Variants in ELOVL5 observed in about 807,000 individuals in gnomAD.
ELOVL5 encodes the protein very long chain fatty acid elongase 5.
ELOVL5 carries 8 observed loss-of-function variants against 38.6 expected under a neutral mutation model. The observed-to-expected ratio is 0.21, with a 90% confidence interval of 0.12 to 0.37. The LOEUF (loss-of-function observed/expected upper bound fraction) is 0.37. ELOVL5 is among the 10% of genes least tolerant of loss of function. The pLI, the probability that ELOVL5 is intolerant of heterozygous loss-of-function variation, is 1.00. For synonymous variants in ELOVL5, 127 were observed against 133.7 expected, an observed-to-expected ratio of 0.95 and a Z score of 0.34; for missense variants, 280 against 367.8, an observed-to-expected ratio of 0.76 and a Z score of 1.95.
chr6:53,269,377 C>A, intron 7 of ELOVL5, 107 bp from the exon 8 acceptor site: 1 of 815,788 alleles, frequency 1.2e-6, no homozygotes, highest in Admixed American at 3.6e-5. Context: ...AAGATCAAAT[C>A]TTATCAAGGA....
intron 3 of ELOVL5, among the ~76,000 whole-genome samples, chr6:53,278,731 T>C (rs1766238508): frequency 6.6e-6 from 1 of 152,130 alleles, no homozygotes; most frequent in South Asian, 2.1e-4. Context: ...CCTGTTGAGG[T>C]TCCCTGTAGG....
At chr6:53,297,682 G>A (rs1767065822) in intron 1 of ELOVL5, among the ~76,000 whole-genome samples, 1 of 152,074 alleles carries the variant, frequency 6.6e-6, no homozygotes, top group Admixed American at 6.5e-5. Flanking sequence ...TTATAGGTAT[G>A]TATGCATAGG....
chr6:53,329,305 TTTA>T (rs1193011173), intron 1 of ELOVL5, among the ~76,000 whole-genome samples: 1 of 152,206 alleles, frequency 6.6e-6, no homozygotes, highest in Non-Finnish European at 1.5e-5. Context: ...AAATATATAC[TTTA>T]TTATCATACA....
intron 3 of ELOVL5, among the ~76,000 whole-genome samples, chr6:53,280,989 C>G (rs576359949): frequency 1.3e-5 from 2 of 152,270 alleles, no homozygotes; most frequent in South Asian, 4.1e-4. Context: ...ATAACCATTT[C>G]CATGGCACTT....
chr6:53,279,539 CA>C (rs1465793105), intron 3 of ELOVL5, among the ~76,000 whole-genome samples: 1 of 152,210 alleles, frequency 6.6e-6, no homozygotes, highest in East Asian at 1.9e-4. Flanking sequence ...TATTCCAGCA[CA>C]GGGATTAGCG....
intron 3 of ELOVL5, 35 bp from the exon 4 acceptor site, chr6:53,276,291 T>C (rs746490854): frequency 1.3e-5 from 18 of 1,381,446 alleles, no homozygotes; most frequent in Non-Finnish European, 1.7e-5. Context: ...ACCAACAGCA[T>C]CTGAGCCATG....
intron 1 of ELOVL5, among the ~76,000 whole-genome samples, chr6:53,309,946 G>A (rs1471350138): frequency 1.3e-5 from 2 of 152,192 alleles, no homozygotes; most frequent in Non-Finnish European, 2.9e-5. Context: ...CTCAGAAAAC[G>A]TGTGTGACAG....
At chr6:53,314,702 T>C (rs1272526089) in intron 1 of ELOVL5, among the ~76,000 whole-genome samples, 1 of 151,940 alleles carries the variant, frequency 6.6e-6, no homozygotes, top group Non-Finnish European at 1.5e-5. Context: ...ATGTCATAAT[T>C]TGAGTGAAAA....
intron 1 of ELOVL5, among the ~76,000 whole-genome samples, chr6:53,335,340 C>T (rs564241061): frequency 2.6e-5 from 4 of 152,338 alleles, no homozygotes; most frequent in African/African-American, 9.6e-5. Flanking sequence ...ACCCTGTCTC[C>T]CTCTGGCTTC....
At chr6:53,284,337 C>T (rs894375170) in intron 3 of ELOVL5, among the ~76,000 whole-genome samples, 2 of 151,428 alleles carry the variant, frequency 1.3e-5, no homozygotes, top group Non-Finnish European at 2.9e-5. Flanking sequence ...AGAAATAACT[C>T]CTGACAACAG....
chr6:53,335,086 TG>T (rs1768991896), intron 1 of ELOVL5, among the ~76,000 whole-genome samples: 1 of 152,238 alleles, frequency 6.6e-6, no homozygotes. Context: ...CCAAGCTCTA[TG>T]GGATTTACAG....
At chr6:53,273,847 T>C (rs1215537573) in intron 5 of ELOVL5, among the ~76,000 whole-genome samples, 2 of 152,216 alleles carry the variant, frequency 1.3e-5, no homozygotes, top group Non-Finnish European at 2.9e-5. Flanking sequence ...TTATTAATAA[T>C]AGAGTCAAGA....
chr6:53,284,260 C>T (rs1387320904), intron 3 of ELOVL5, among the ~76,000 whole-genome samples: 1 of 151,896 alleles, frequency 6.6e-6, no homozygotes, highest in Non-Finnish European at 1.5e-5. Context: ...GAGCTATGAC[C>T]ATGTCACTGC....
chr6:53,311,624 T>C (rs1031815907), intron 1 of ELOVL5, among the ~76,000 whole-genome samples: 3 of 152,208 alleles, frequency 2.0e-5, no homozygotes, highest in Admixed American at 6.5e-5. Context: ...ATGTTGTACA[T>C]TCATACAATG....
intron 1 of ELOVL5, among the ~76,000 whole-genome samples, chr6:53,296,525 G>A (rs1456878202): frequency 6.6e-6 from 1 of 151,984 alleles, no homozygotes; most frequent in Non-Finnish European, 1.5e-5. Flanking sequence ...TAAGTATAAT[G>A]TACTTAGCTG....
At position 53,340,519 on chromosome 6, in the gene ELOVL5, G is replaced by A. The variant is rs186960838; in HGVS notation, c.-9+8298C>T. 1.7e-3 allele frequency among the ~76,000 whole-genome samples: 257 copies of A among 152,276 alleles called. 2 individuals carry two copies. The highest frequency in any genetic ancestry group is 5.9e-3 in the African/African-American group (247 of 41,560). ...CTTACCCAGAGCAACTTCCAGTCCTGCAAGCTCCATTCATGGCAAGTGCCC... is the reference window on the plus strand; with the variant it reads ...CTTACCCAGAGCAACTTCCAGTCCTACAAGCTCCATTCATGGCAAGTGCCC... On this transcript the variant is annotated intron_variant, in intron 1 of 7. Coordinates refer to ENST00000304434, the MANE Select transcript of ELOVL5 (RefSeq NM_021814.5).
At position 53,284,005 on chromosome 6, in the gene ELOVL5, TA is replaced by T. The variant is rs569206590; in HGVS notation, c.247-7750del. Among the ~76,000 whole-genome samples the T allele has an allele frequency of 6.9e-3, 966 of 140,636 alleles. 6 individuals carry two copies. Among genetic ancestry groups the T allele is most frequent in the African/African-American group, 0.016 (599 of 38,380 alleles). The allele number at this position is 140,636 out of a possible 152,430, so 92.3% of individuals were successfully genotyped here. On this transcript the variant is annotated intron_variant, in intron 3 of 7. Coordinates refer to ENST00000304434, the MANE Select transcript of ELOVL5 (RefSeq NM_021814.5). ...CAATAATGGTGATTATTTAGGACCT[TA>T]AAAAAAAAAAAAAGTGAGGCCAGAT... is the stretch of plus-strand genomic sequence containing the variant.
intron 1 of ELOVL5, among the ~76,000 whole-genome samples, chr6:53,299,826 G>A (rs1330204293): frequency 6.6e-6 from 1 of 152,178 alleles, no homozygotes; most frequent in African/African-American, 2.4e-5. Flanking sequence ...CGGTACATCT[G>A]TTCTTAGACT....
chr6:53,308,665 G>C (rs889826913), intron 1 of ELOVL5, among the ~76,000 whole-genome samples: 12 of 151,970 alleles, frequency 7.9e-5, no homozygotes, highest in Non-Finnish European at 1.6e-4. Flanking sequence ...CCTGCTTTGG[G>C]AACCACTGCT....
Sources: allele counts gnomAD v4.1 joint callset (sites outside exome capture counted in the v4.1 genomes callset), GRCh38; gene constraint gnomAD v4.1.1; transcripts MANE v1.5; gene names NCBI Gene and HGNC (gene_info 2026-07-23, HGNC 2026-07-21).